GRM1: variants seen among roughly 807,000 people sequenced by gnomAD.
GRM1 encodes the protein glutamate metabotropic receptor 1, also known as metabotropic glutamate receptor 1.
Under a neutral mutation model 90.9 loss-of-function variants are expected in GRM1, and 33 were observed. That is an observed-to-expected ratio of 0.36 (90% CI 0.28 to 0.49). The LOEUF is 0.49. Among genes scored for constraint, GRM1 ranks in the 20% least tolerant of loss-of-function variants. GRM1 has a pLI of 0.99. For missense variants in GRM1, 1,190 were observed against 1,534.3 expected, an observed-to-expected ratio of 0.78 and a Z score of 3.75; for synonymous variants, 700 against 613.2, an observed-to-expected ratio of 1.14 and a Z score of -2.09.
chr6:146,105,306 C>G (rs1048965546), intron 1 of GRM1, among the ~76,000 whole-genome samples: 1 of 151,930 alleles, frequency 6.6e-6, no homozygotes, highest in Non-Finnish European at 1.5e-5. Context: ...GATAATGTAG[C>G]CCTTTGGAGT....
intron 1 of GRM1, among the ~76,000 whole-genome samples, chr6:146,056,816 A>G (rs1775497504): frequency 6.6e-6 from 1 of 152,144 alleles, no homozygotes; most frequent in Non-Finnish European, 1.5e-5. Flanking sequence ...GTTTATGAAC[A>G]TTTGTTGAAA....
chr6:146,411,960 G>A (rs1777586265), intron 7 of GRM1, among the ~76,000 whole-genome samples: 1 of 152,144 alleles, frequency 6.6e-6, no homozygotes, highest in South Asian at 2.1e-4. Context: ...CTGTAAGGTG[G>A]AGGTGGGTGA....
At chr6:146,384,446 A>G (rs1776427421) in intron 5 of GRM1, among the ~76,000 whole-genome samples, 1 of 152,148 alleles carries the variant, frequency 6.6e-6, no homozygotes, top group Admixed American at 6.6e-5. Flanking sequence ...AACAGTGACT[A>G]TTCTAGACTT....
At chr6:146,389,102 G>A (rs1776617186) in intron 6 of GRM1, among the ~76,000 whole-genome samples, 1 of 151,878 alleles carries the variant, frequency 6.6e-6, no homozygotes, top group Non-Finnish European at 1.5e-5. Flanking sequence ...CTCCTGCCAG[G>A]CCTCTTTTTC....
rs146753539 is a variant in GRM1, at chr6:146,434,425, C to G, written c.3214C>G (p.Pro1072Ala). 3,260 of 1,613,760 alleles carry G rather than the reference C, an allele frequency of 2.0e-3. 21 individuals carry two copies. The highest frequency in any genetic ancestry group is 0.017 in the African/African-American group (1,259 of 75,064). The change falls in exon 8 of 8, where the codon CCG becomes GCG. Residue 1072 changes from proline to alanine, a missense_variant. Pro to Ala is a conservative substitution (Grantham distance 27). Transcript: ENST00000282753. ...LRSLYPPPPP[P>A]QHLQMLPLQL... ...GTCCCTGTACCCGCCCCCGCCACCT[C>G]CGCAGCACCTGCAGATGCTGCCGCT...
chr6:146,038,347 T>C (rs1224696622), intron 1 of GRM1, among the ~76,000 whole-genome samples: 3 of 151,908 alleles, frequency 2.0e-5, no homozygotes, highest in African/African-American at 7.3e-5. Context: ...TAGGATTGAC[T>C]CAAGGGATTA....
In GRM1 at chr6:146,111,851, G is replaced by A. The variant is rs1041517576; in HGVS notation, c.701-47497G>A. 1.9e-4 allele frequency among the ~76,000 whole-genome samples: 29 copies of A among 152,164 alleles called. 1 individual carries two copies. Among genetic ancestry groups the A allele is most frequent in the Non-Finnish European group, 8.8e-5 (6 of 68,030 alleles). ...GTGTTGAATGGATTAACACAGAAAA[G>A]CTCGTGATACAATGCTTGATAGTTA... On this transcript the variant is annotated intron_variant, in intron 1 of 7. Transcript: ENST00000282753.
rs1777092925 is a variant in GRM1, at chr6:146,399,777, C to T, written c.2660+78C>T. The T allele has an allele frequency of 3.2e-6, 3 of 940,264 alleles. No individual in the cohort carries two copies. The South Asian group carries it at 4.2e-5, about 13-fold the overall frequency. 58.2% of individuals were successfully genotyped at this position (940,264 alleles called of 1,614,324 possible). ...TCTCTCTCTCTCTCTCTCTCTCTTTCTCTGTCTCTCATATCTTCCTCTAGT... is the reference window on the plus strand; with the variant it reads ...TCTCTCTCTCTCTCTCTCTCTCTTTTTCTGTCTCTCATATCTTCCTCTAGT... On this transcript the variant is annotated intron_variant, in intron 7 of 7. Transcript: ENST00000282753. The surrounding 1 kb of genome is among the most constrained non-coding windows in gnomAD (Gnocchi z 5.4).
intron 3 of GRM1, among the ~76,000 whole-genome samples, chr6:146,345,125 A>C (rs1028496991): frequency 6.6e-6 from 1 of 152,168 alleles, no homozygotes; most frequent in African/African-American, 2.4e-5. Context: ...TCCACAGTAT[A>C]TCTTATTCCC....
chr6:146,350,792 T>C (rs1358058502), intron 3 of GRM1, among the ~76,000 whole-genome samples: 2 of 152,228 alleles, frequency 1.3e-5, no homozygotes, highest in Non-Finnish European at 2.9e-5. Context: ...TCTATCTTAC[T>C]CCTCATTTCC....
At chr6:146,424,938 T>A (rs1778142408) in intron 7 of GRM1, among the ~76,000 whole-genome samples, 1 of 152,250 alleles carries the variant, frequency 6.6e-6, no homozygotes, top group African/African-American at 2.4e-5. Flanking sequence ...ATTGTTTTAA[T>A]GATCTTTTGA....
chr6:146,376,543 C>T (rs1313739023), intron 5 of GRM1, among the ~76,000 whole-genome samples: 1 of 151,884 alleles, frequency 6.6e-6, no homozygotes, highest in African/African-American at 2.4e-5. Context: ...ATATTTTCAT[C>T]AAATATACTA....
intron 2 of GRM1, among the ~76,000 whole-genome samples, chr6:146,197,486 T>C (rs562148556): frequency 6.6e-6 from 1 of 152,334 alleles, no homozygotes; most frequent in South Asian, 2.1e-4. Flanking sequence ...GGAAAGCTCC[T>C]GAATCATCTC....
chr6:146,282,750 A>AT (rs1782618233), intron 2 of GRM1, among the ~76,000 whole-genome samples: 1 of 152,222 alleles, frequency 6.6e-6, no homozygotes, highest in Non-Finnish European at 1.5e-5. Flanking sequence ...AAAAAATGTA[A>AT]TAAAAAAAGG....
At chr6:146,331,375 T>A (rs552073562) in intron 3 of GRM1, among the ~76,000 whole-genome samples, 1 of 152,182 alleles carries the variant, frequency 6.6e-6, no homozygotes, top group Non-Finnish European at 1.5e-5. Flanking sequence ...ATTCTTGTGT[T>A]TTTACATTTT....
chr6:146,433,744 TG>T, intron 7 of GRM1, 127 bp from the exon 8 acceptor site: 1 of 728,418 alleles, frequency 1.4e-6, no homozygotes, highest in Non-Finnish European at 2.4e-6. Flanking sequence ...TATGGGGTGC[TG>T]GAGCAAAGGC....
At chr6:146,209,135 G>A (rs1366597822) in intron 2 of GRM1, among the ~76,000 whole-genome samples, 1 of 152,114 alleles carries the variant, frequency 6.6e-6, no homozygotes, top group Non-Finnish European at 1.5e-5. Context: ...AGAGTATGAA[G>A]CTAAAGGTTG....
chr6:146,171,873 C>G (rs1778139732), intron 2 of GRM1: 1 of 242,322 alleles, frequency 4.1e-6, no homozygotes, highest in Non-Finnish European at 8.8e-6. Context: ...TTCTATTGTT[C>G]TTGTTTTTTT....
At chr6:146,146,103 CTTTTTTTTTTTTTT>C (rs35329703) in intron 1 of GRM1, among the ~76,000 whole-genome samples, 60 of 19,988 alleles carry the variant, frequency 3.0e-3, no homozygotes, top group Non-Finnish European at 5.3e-3. Flanking sequence ...ACCATTGTAT[CTTTTTTTTTTTTTT>C]TTTTTTTTTT....
Sources: allele counts gnomAD v4.1 joint callset (sites outside exome capture counted in the v4.1 genomes callset), GRCh38; gene constraint gnomAD v4.1.1; non-coding constraint Gnocchi (gnomAD v3.1); transcripts MANE v1.5; gene names NCBI Gene and HGNC (gene_info 2026-07-23, HGNC 2026-07-21).